SH3PXD2B: variants seen among roughly 807,000 people sequenced by gnomAD.
The protein encoded by SH3PXD2B is SH3 and PX domain-containing protein 2B.
A neutral mutation model predicts 73.1 loss-of-function variants in SH3PXD2B; 37 were observed. That is an observed-to-expected ratio of 0.51 (90% CI 0.39 to 0.67). The LOEUF (loss-of-function observed/expected upper bound fraction) is 0.67. Among genes scored for constraint, SH3PXD2B ranks in the 30% least tolerant of loss-of-function variants. The pLI, the probability that SH3PXD2B is intolerant of heterozygous loss-of-function variation, is 0.00. For synonymous variants in SH3PXD2B, 457 were observed against 480.5 expected, an observed-to-expected ratio of 0.95 and a Z score of 0.64; for missense variants, 1,053 against 1,197.8, an observed-to-expected ratio of 0.88 and a Z score of 1.78.
exon 13 of SH3PXD2B, chr5:172,325,270 T>C (rs1244418113): frequency 1.6e-5 from 24 of 1,530,808 alleles, no homozygotes; most frequent in Non-Finnish European, 2.0e-5. Context: ...GGACATGACG[T>C]GGTTCTCACA....
At chr5:172,360,563 G>A (rs1757373828) in intron 7 of SH3PXD2B, among the ~76,000 whole-genome samples, 2 of 152,236 alleles carry the variant, frequency 1.3e-5, no homozygotes, top group Non-Finnish European at 2.9e-5. Context: ...TAGGTACAGT[G>A]GCTCACGCCT....
Position 172,339,142 on chromosome 5 carries a change from G to T in SH3PXD2B, c.1963C>A (p.Pro655Thr). 1 of 1,614,220 alleles carries T rather than the reference G, an allele frequency of 6.2e-7. No homozygotes were observed. The highest frequency in any genetic ancestry group is 8.5e-7 in the Non-Finnish European group (1 of 1,180,052). ...KPAPSPKTEP[P>T]QGEDQVDICN... ...ATGTCGACTTGGTCTTCGCCCTGAG[G>T]TGGCTCCGTTTTGGGGGAAGGAGCT... The change falls in exon 13 of 13, where the codon CCT (proline) becomes ACT (threonine). Residue 655 changes from proline (P) to threonine (T), a missense_variant. Physicochemically the swap from Pro to Thr is conservative, Grantham distance 38. This residue lies in a region of SH3PXD2B where 587 missense variants were observed against 590.7 expected (regional missense o/e 0.99). Coordinates refer to ENST00000311601, the MANE Select transcript of SH3PXD2B (RefSeq NM_001017995.3). The surrounding 1 kb of genome is among the most constrained non-coding windows in gnomAD (Gnocchi z 6.1).
rs1368124275 is a variant in SH3PXD2B, at chr5:172,338,100, A to T, written c.*269T>A. 2.9e-6 allele frequency: 4 copies of T among 1,375,042 alleles called. No homozygotes were observed. Among genetic ancestry groups the T allele is most frequent in the Non-Finnish European group, 3.8e-6 (4 of 1,063,334 alleles). 85.2% of individuals were successfully genotyped at this position (1,375,042 alleles called of 1,614,324 possible). On this transcript the variant is annotated 3_prime_UTR_variant, in exon 13 of 13. Transcript: ENST00000311601. The surrounding 1 kb of genome is among the most constrained non-coding windows in gnomAD (Gnocchi z 5.1). Reference sequence around the variant, plus strand: ...GGTGGCAATGCCATTGGCCAGGAGGAGTTCTCTTAAGGCAGGGATGCTGAC... The same window carrying T: ...GGTGGCAATGCCATTGGCCAGGAGGTGTTCTCTTAAGGCAGGGATGCTGAC...
chr5:172,403,355 C>A (rs917841739), intron 3 of SH3PXD2B, among the ~76,000 whole-genome samples: 5 of 152,206 alleles, frequency 3.3e-5, no homozygotes, highest in Admixed American at 1.3e-4. Flanking sequence ...ACGCGGCAGT[C>A]TTGGCAGAAA....
At chr5:172,329,387 T>A (rs1251315061), downstream of SH3PXD2B, among the ~76,000 whole-genome samples, 1 of 151,194 alleles carries the variant, frequency 6.6e-6, no homozygotes, top group Non-Finnish European at 1.5e-5. Flanking sequence ...CCTGGTCACA[T>A]ATTAACATTT....
At position 172,334,061 on chromosome 5, in the gene SH3PXD2B, T is replaced by C; in HGVS notation, c.*4308A>G. 8.7e-7 allele frequency: 1 copy of C among 1,155,316 alleles called. No individual in the cohort carries two copies. The highest frequency in any genetic ancestry group is 1.8e-5 in the South Asian group (1 of 56,364). 71.6% of individuals were successfully genotyped at this position (1,155,316 alleles called of 1,614,324 possible). A position where few individuals can be genotyped will look rare whatever the true frequency, so the allele number is the denominator to read the frequency against. Reference sequence around the variant, plus strand: ...CGACTGTGGCACTGCGTTTGGCCTCTTTGAGGACAGAAGAGGTTGAGCCCC... The same window carrying C: ...CGACTGTGGCACTGCGTTTGGCCTCCTTGAGGACAGAAGAGGTTGAGCCCC... On this transcript the variant is annotated 3_prime_UTR_variant, in exon 13 of 13. Coordinates refer to ENST00000311601, the MANE Select transcript of SH3PXD2B (RefSeq NM_001017995.3).
At chr5:172,375,308 C>T (rs539998180) in intron 5 of SH3PXD2B, among the ~76,000 whole-genome samples, 2 of 152,174 alleles carry the variant, frequency 1.3e-5, no homozygotes, top group Admixed American at 6.5e-5. Flanking sequence ...TGCAGTGAGC[C>T]GAGATCATGC....
At chr5:172,341,422 C>T (rs1457997296) in intron 12 of SH3PXD2B, among the ~76,000 whole-genome samples, 3 of 152,046 alleles carry the variant, frequency 2.0e-5, no homozygotes, top group South Asian at 2.1e-4. Flanking sequence ...GTAATGAGTT[C>T]CCATGGGATC....
At chr5:172,328,295 G>A (rs563166226) in intron 12 of SH3PXD2B, among the ~76,000 whole-genome samples, 7 of 151,760 alleles carry the variant, frequency 4.6e-5, no homozygotes, top group Admixed American at 2.0e-4. Flanking sequence ...TAGTAGAGAC[G>A]GGGTTTCACT....
At chr5:172,411,656 G>A (rs936046004) in intron 2 of SH3PXD2B, among the ~76,000 whole-genome samples, 11 of 152,150 alleles carry the variant, frequency 7.2e-5, no homozygotes, top group East Asian at 3.8e-4. Flanking sequence ...GCGGGGCTGG[G>A]TAAATGAGTG....
In SH3PXD2B at chr5:172,373,776, G is replaced by C. The variant is rs79535495; in HGVS notation, c.427+14C>G. On this transcript the variant is annotated intron_variant, in intron 6 of 12. Coordinates refer to ENST00000311601, the MANE Select transcript of SH3PXD2B (RefSeq NM_001017995.3). ...AAAACTGAACGAAGAGAAGAAAATA[G>C]AAAATATTCTTACCAGATTTCTTTT... 8.8e-4 allele frequency: 1,420 copies of C among 1,612,988 alleles called. 18 individuals carry two copies. The East Asian group carries it at 0.025, about 28-fold the overall frequency.
chr5:172,436,313 T>C (rs186474031), intron 1 of SH3PXD2B, among the ~76,000 whole-genome samples: 1 of 152,320 alleles, frequency 6.6e-6, no homozygotes, highest in African/African-American at 2.4e-5. Context: ...AGTGCCACTT[T>C]TGGCTCTTCT....
At chr5:172,382,209 G>A (rs1485230313) in intron 4 of SH3PXD2B, 82 bp from the exon 5 acceptor site, 58 of 1,122,644 alleles carry the variant, frequency 5.2e-5, no homozygotes, top group Admixed American at 4.4e-4. Context: ...CCAGCTACTC[G>A]GGAGGCTGAG....
chr5:172,415,574 C>A (rs1344291527), intron 2 of SH3PXD2B, among the ~76,000 whole-genome samples: 1 of 152,182 alleles, frequency 6.6e-6, no homozygotes, highest in Non-Finnish European at 1.5e-5. Context: ...ACAATACTGA[C>A]CTCATGCCTG....
intron 7 of SH3PXD2B, among the ~76,000 whole-genome samples, chr5:172,362,026 C>T (rs1430234661): frequency 2.6e-5 from 4 of 152,200 alleles, no homozygotes; most frequent in Non-Finnish European, 4.4e-5. Context: ...CAATGGGGTG[C>T]AATGGCTGCT....
At chr5:172,365,146 A>G (rs1273517764) in intron 6 of SH3PXD2B, among the ~76,000 whole-genome samples, 4 of 152,356 alleles carry the variant, frequency 2.6e-5, no homozygotes, top group East Asian at 3.9e-4. Context: ...TAGAGAAAGC[A>G]TGAGGAGAAC....
intron 4 of SH3PXD2B, 137 bp downstream of exon 4, chr5:172,394,426 G>T: frequency 1.2e-6 from 1 of 843,826 alleles, no homozygotes; most frequent in Non-Finnish European, 1.9e-6. Flanking sequence ...GAATGATAAT[G>T]AATGATTTTC....
intron 5 of SH3PXD2B, among the ~76,000 whole-genome samples, chr5:172,376,782 G>A (rs904819019): frequency 2.0e-5 from 3 of 152,224 alleles, no homozygotes; most frequent in African/African-American, 7.2e-5. Flanking sequence ...CACTTGGACT[G>A]CCTCACTGCG....
In SH3PXD2B at chr5:172,373,816, C is replaced by T; in HGVS notation, c.402-1G>A. 6.2e-7 allele frequency: 1 copy of T among 1,614,046 alleles called. No homozygotes were observed. The highest frequency in any genetic ancestry group is 8.5e-7 in the Non-Finnish European group (1 of 1,179,972). ...AGATTTCTTTTTCCCAATGTGCTCC[C>T]TGTACAGGAAAGAAAGGGGGTGGGA... On this transcript the variant is annotated splice_acceptor_variant, in intron 5 of 12. Transcript: ENST00000311601. LOFTEE classifies it high-confidence loss of function.
Sources: gnomAD v4.1 joint callset for allele counts (sites outside exome capture counted in the v4.1 genomes callset) on GRCh38, gnomAD v4.1.1 for gene constraint, gnomAD v4.1.1 regional missense constraint, Gnocchi (gnomAD v3.1) non-coding constraint, MANE v1.5 for transcripts, NCBI Gene and HGNC (gene_info 2026-07-23, HGNC 2026-07-21) for gene names.